Variants in ITPR1 observed in about 807,000 individuals in gnomAD.
ITPR1 encodes the protein inositol 1,4,5-trisphosphate receptor type 1, also known as inositol 1,4,5-trisphosphate-gated calcium channel ITPR1.
In ITPR1, 96 loss-of-function variants were observed where a neutral mutation model predicts 318.4. The observed-to-expected ratio is 0.30, with a 90% CI of 0.26 to 0.36. ITPR1 has a LOEUF of 0.36. Among genes scored for constraint, ITPR1 ranks in the 10% least tolerant of loss-of-function variants. ITPR1 has a pLI of 1.00. For synonymous variants in ITPR1, 1,312 were observed against 1,289.9 expected (o/e 1.02, Z -0.37); for missense variants, 2,440 against 3,460.2 (o/e 0.71, Z 7.40).
intron 4 of ITPR1, among the ~76,000 whole-genome samples, chr3:4,600,082 C>A (rs988351657): frequency 6.6e-6 from 1 of 152,212 alleles, no homozygotes; most frequent in African/African-American, 2.4e-5. Flanking sequence ...AGCAAGTCTT[C>A]TCTTTTGCCC....
chr3:4,724,507 C>T (rs1226387718), intron 40 of ITPR1: 1 of 152,218 alleles, frequency 6.6e-6, no homozygotes, highest in Non-Finnish European at 1.5e-5. Flanking sequence ...TGTTAGAGGC[C>T]AAGGTCACAT....
At chr3:4,804,400 G>A (rs1004782940) in intron 54 of ITPR1, among the ~76,000 whole-genome samples, 20 of 152,208 alleles carry the variant, frequency 1.3e-4, no homozygotes, top group Non-Finnish European at 2.5e-4. Flanking sequence ...TGCTGGGTGC[G>A]CAGAATCCTT....
At chr3:4,542,192 C>G (rs2084520199) in intron 4 of ITPR1, among the ~76,000 whole-genome samples, 1 of 152,180 alleles carries the variant, frequency 6.6e-6, no homozygotes, top group Non-Finnish European at 1.5e-5. Context: ...TATATTCTAT[C>G]TCTAAAAATT....
At chr3:4,503,047 T>C (rs934918490) in intron 2 of ITPR1, among the ~76,000 whole-genome samples, 2 of 151,074 alleles carry the variant, frequency 1.3e-5, no homozygotes, top group Non-Finnish European at 3.0e-5. Context: ...ATCGCACCAC[T>C]GCACTCCAGC....
At chr3:4,569,708 G>T (rs1400564649) in intron 4 of ITPR1, among the ~76,000 whole-genome samples, 1 of 152,140 alleles carries the variant, frequency 6.6e-6, no homozygotes, top group Non-Finnish European at 1.5e-5. Flanking sequence ...TCTTTAAAAG[G>T]GTACATGAGT....
At chr3:4,638,519 G>T (rs2093258146) in intron 5 of ITPR1, among the ~76,000 whole-genome samples, 1 of 152,150 alleles carries the variant, frequency 6.6e-6, no homozygotes, top group Admixed American at 6.5e-5. Flanking sequence ...TGTCACATTT[G>T]GAATGGTAAC....
In ITPR1 at chr3:4,674,368, G is replaced by T. The variant is rs377298250; in HGVS notation, c.2598+25G>T. On this transcript the variant is annotated intron_variant, in intron 22 of 61. Transcript: ENST00000649015. Reference sequence around the variant, plus strand: ...GGTAACTCATGATGAAATCTTCTATGTGTATTATCTGCCTCTCAGTGGTCA... The same window carrying T: ...GGTAACTCATGATGAAATCTTCTATTTGTATTATCTGCCTCTCAGTGGTCA... The T allele has an allele frequency of 1.1e-5, 18 of 1,586,070 alleles. No individual in the cohort carries two copies. The African/African-American group carries it at 1.9e-4, about 17-fold the overall frequency.
chr3:4,741,511 G>C (rs2043699482), intron 44 of ITPR1, among the ~76,000 whole-genome samples: 1 of 151,346 alleles, frequency 6.6e-6, no homozygotes, highest in Non-Finnish European at 1.5e-5. Context: ...CAGAGAGAGT[G>C]ATCCCTGGTT....
intron 40 of ITPR1, 72 bp from the exon 41 acceptor site, chr3:4,725,474 G>C: frequency 8.0e-7 from 1 of 1,253,618 alleles, no homozygotes; most frequent in South Asian, 1.2e-5. Flanking sequence ...TTGAGTGTTG[G>C]TCTCTGGACT....
chr3:4,769,931 C>A (rs781461117), intron 46 of ITPR1, among the ~76,000 whole-genome samples: 1 of 152,232 alleles, frequency 6.6e-6, no homozygotes, highest in Non-Finnish European at 1.5e-5. Context: ...TGCTGGAGCA[C>A]TGGGTCCCTG....
At chr3:4,512,742 T>C (rs1435096765) in intron 2 of ITPR1, among the ~76,000 whole-genome samples, 1 of 152,198 alleles carries the variant, frequency 6.6e-6, no homozygotes, top group Non-Finnish European at 1.5e-5. Context: ...TCAAGCATTA[T>C]TTCACCCATT....
intron 61 of ITPR1, among the ~76,000 whole-genome samples, chr3:4,840,117 A>G (rs1460660934): frequency 2.3e-5 from 3 of 130,880 alleles, no homozygotes; most frequent in Non-Finnish European, 4.7e-5. Flanking sequence ...TCTTTTGATT[A>G]TGTAACGTCC....
chr3:4,633,462 C>T (rs1341600152), intron 5 of ITPR1, among the ~76,000 whole-genome samples: 1 of 152,146 alleles, frequency 6.6e-6, no homozygotes, highest in Non-Finnish European at 1.5e-5. Context: ...TATGCAGCAC[C>T]CCAATCAGAA....
chr3:4,620,154 C>T, intron 4 of ITPR1, among the ~76,000 whole-genome samples: 1 of 152,126 alleles, frequency 6.6e-6, no homozygotes, highest in Non-Finnish European at 1.5e-5. Flanking sequence ...GTTCCAGACA[C>T]CTGCTGGAGA....
intron 58 of ITPR1, 194 bp downstream of exon 58, chr3:4,814,756 TG>T: frequency 4.8e-6 from 3 of 626,964 alleles, no homozygotes; most frequent in Non-Finnish European, 8.3e-6. Flanking sequence ...GTCAGCTGCG[TG>T]GAAAGGGTTG....
At chr3:4,537,162 TG>T (rs767678291) in intron 4 of ITPR1, among the ~76,000 whole-genome samples, 2 of 152,256 alleles carry the variant, frequency 1.3e-5, no homozygotes, top group Non-Finnish European at 2.9e-5. Flanking sequence ...AAATGAGTTG[TG>T]GAGTGTTTCC....
In ITPR1 at chr3:4,797,628, A is replaced by T. The variant is rs557975662; in HGVS notation, c.6931+2441A>T. Among the ~76,000 whole-genome samples the T allele has an allele frequency of 5.9e-5, 9 of 152,376 alleles. No homozygotes were observed. In the South Asian group the frequency reaches 1.9e-3, roughly 32 times the overall value. Reference sequence around the variant, plus strand: ...CAGATTGCTTACTGAATTTGTGAGCATGCCGTGATGGCTAAAGCAAATGTA... The same window carrying T: ...CAGATTGCTTACTGAATTTGTGAGCTTGCCGTGATGGCTAAAGCAAATGTA... On this transcript the variant is annotated intron_variant, in intron 53 of 61. Transcript: ENST00000649015.
At chr3:4,786,448 C>T (rs1365457747) in intron 51 of ITPR1, among the ~76,000 whole-genome samples, 1 of 152,200 alleles carries the variant, frequency 6.6e-6, no homozygotes, top group Non-Finnish European at 1.5e-5. Flanking sequence ...GAGAGTTTCC[C>T]ACTACAGCTT....
chr3:4,598,697 T>C (rs1242331028), intron 4 of ITPR1, among the ~76,000 whole-genome samples: 2 of 152,210 alleles, frequency 1.3e-5, no homozygotes, highest in African/African-American at 4.8e-5. Flanking sequence ...GGCTGAGTTA[T>C]ATATTAAAGG....
Sources: allele counts gnomAD v4.1 joint callset (sites outside exome capture counted in the v4.1 genomes callset), GRCh38; gene constraint gnomAD v4.1.1; transcripts MANE v1.5; gene names NCBI Gene and HGNC (gene_info 2026-07-23, HGNC 2026-07-21).